VAV2: variants seen among roughly 807,000 people sequenced by gnomAD.
VAV2 encodes guanine nucleotide exchange factor VAV2.
Under a neutral mutation model 132.5 loss-of-function variants are expected in VAV2, and 67 were observed. That is an observed-to-expected ratio of 0.51 (90% CI 0.42 to 0.62). VAV2 has a LOEUF of 0.62. VAV2 is among the 20% of genes least tolerant of loss of function. The probability of loss-of-function intolerance (pLI) is 0.00; values close to 1 mark genes in which losing one functional copy is unlikely to be tolerated. For missense variants in VAV2, 938 were observed against 1,153.6 expected, an observed-to-expected ratio of 0.81 and a Z score of 2.71; for synonymous variants, 492 against 443.5, an observed-to-expected ratio of 1.11 and a Z score of -1.37.
intron 5 of VAV2, among the ~76,000 whole-genome samples, chr9:133,811,439 T>TTGGCAAG (rs1184724630): frequency 1.3e-5 from 2 of 152,216 alleles, no homozygotes; most frequent in East Asian, 3.9e-4. Context: ...GCCTCCACGG[T>TTGGCAAG]TGGCAAGTGG....
intron 1 of VAV2, among the ~76,000 whole-genome samples, chr9:133,978,932 C>A (rs1308756830): frequency 6.6e-6 from 1 of 152,244 alleles, no homozygotes; most frequent in Admixed American, 6.5e-5. Context: ...GGGCTGGCCC[C>A]GGTGAAGAAG....
chr9:133,950,888 G>A (rs781604344), intron 1 of VAV2, among the ~76,000 whole-genome samples: 9 of 152,194 alleles, frequency 5.9e-5, no homozygotes, highest in South Asian at 2.1e-4. Flanking sequence ...TCTCTGGAGC[G>A]CCCTATCTCC....
intron 13 of VAV2, among the ~76,000 whole-genome samples, chr9:133,790,759 GT>G (rs1834423530): frequency 6.6e-6 from 1 of 151,926 alleles, no homozygotes; most frequent in Non-Finnish European, 1.5e-5. Context: ...CATCGCCGAC[GT>G]ATCGCAGGTG....
At chr9:133,801,857 G>A (rs989769430) in intron 9 of VAV2, among the ~76,000 whole-genome samples, 7 of 152,308 alleles carry the variant, frequency 4.6e-5, no homozygotes, top group African/African-American at 1.4e-4. Context: ...GCTGCAGGAC[G>A]TAGGAAGGAT....
chr9:133,804,417 G>A lies in VAV2; in HGVS notation c.836+1664C>T, dbSNP rs147664044. On this transcript the variant is annotated intron_variant, in intron 9 of 29. Coordinates refer to ENST00000371850, the MANE Select transcript of VAV2 (RefSeq NM_001134398.2). The surrounding 1 kb of genome is among the most constrained non-coding windows in gnomAD (Gnocchi z 4.5). The stretch of plus-strand genomic sequence containing the variant: ...CGCACTGCAGTGGCGCTCCAAGGCA[G>A]AGATGCCCGCTGTTCCTCAGCGGGA... 7.7e-3 allele frequency among the ~76,000 whole-genome samples: 1,180 copies of A among 152,372 alleles called. 26 individuals are homozygous for A. The highest frequency in any genetic ancestry group is 0.043 in the Admixed American group (664 of 15,308).
chr9:133,930,285 C>T (rs1840634143), intron 2 of VAV2, among the ~76,000 whole-genome samples: 1 of 151,246 alleles, frequency 6.6e-6, no homozygotes, highest in South Asian at 2.1e-4. Context: ...CTGCCTCCAC[C>T]CTGCCTCCTG....
chr9:133,811,994 C>T, intron 5 of VAV2, 120 bp downstream of exon 5: 5 of 1,011,682 alleles, frequency 4.9e-6, no homozygotes, highest in Non-Finnish European at 7.5e-6. Flanking sequence ...CCCCTGCACC[C>T]AGAGCAGCTC....
chr9:133,809,210 G>A (rs763120343), intron 6 of VAV2, 72 bp from the exon 7 acceptor site: 2 of 1,266,016 alleles, frequency 1.6e-6, no homozygotes, highest in Non-Finnish European at 2.3e-6. Flanking sequence ...TCTGCACCGC[G>A]ACACCCGGAC....
At chr9:133,958,978 C>T (rs985075005) in intron 1 of VAV2, among the ~76,000 whole-genome samples, 7 of 152,132 alleles carry the variant, frequency 4.6e-5, no homozygotes, top group Non-Finnish European at 7.4e-5. Flanking sequence ...TTGGAGGAGG[C>T]GGTGGGGGCC....
chr9:133,768,398 C>A lies in VAV2; in HGVS notation c.2589+44G>T. ...CTGCCTGAGCCCGACCAGGTAGGGG[C>A]TGCAGCGAGGCCAGCCCCACACCCT... On this transcript the variant is annotated intron_variant, in intron 29 of 29. Transcript: ENST00000371850. The surrounding 1 kb of genome is among the most constrained non-coding windows in gnomAD (Gnocchi z 5.3). 1 of 1,597,496 alleles carries A rather than the reference C, an allele frequency of 6.3e-7. No individual in the cohort carries two copies. Among genetic ancestry groups the A allele is most frequent in the South Asian group, 1.1e-5 (1 of 89,190 alleles).
intron 3 of VAV2, among the ~76,000 whole-genome samples, chr9:133,848,015 C>A (rs898146495): frequency 2.0e-5 from 3 of 152,162 alleles, no homozygotes; most frequent in Non-Finnish European, 4.4e-5. Flanking sequence ...CGGTAGCTCA[C>A]GCCTGTAATC....
At position 133,774,945 on chromosome 9, in the gene VAV2, T is replaced by C. The variant is rs1029016039; in HGVS notation, c.2125A>G (p.Ile709Val). 3.7e-6 allele frequency: 6 copies of C among 1,612,402 alleles called. No homozygotes were observed. Among genetic ancestry groups the C allele is most frequent in the South Asian group, 1.1e-5 (1 of 91,012 alleles). The change falls in exon 25 of 30, where the codon ATA (isoleucine) becomes GTA (valine). Residue 709 changes from isoleucine to valine, a missense_variant. Physicochemically the swap from Ile to Val is conservative, Grantham distance 29. Transcript: ENST00000371850. ...ERPAEAERFA[I>V]SIKFNDEVKH... Reference sequence around the variant, plus strand: ...AGAGCCGCCACTTACTTGATGCTTATTGCAAAGCGCTCAGCCTCGGCAGGC... The same window carrying C: ...AGAGCCGCCACTTACTTGATGCTTACTGCAAAGCGCTCAGCCTCGGCAGGC...
chr9:133,831,331 GA>G (rs1836254380), intron 4 of VAV2, among the ~76,000 whole-genome samples: 1 of 152,178 alleles, frequency 6.6e-6, no homozygotes. Flanking sequence ...AGCTACTGGG[GA>G]GGCTGAGGCA....
At chr9:133,821,001 G>A (rs1294161997) in intron 4 of VAV2, among the ~76,000 whole-genome samples, 1 of 152,176 alleles carries the variant, frequency 6.6e-6, no homozygotes. Context: ...GGGCTGTCGT[G>A]CCTTCCCTCT....
chr9:133,871,440 T>TGGACA (rs1838042849), intron 2 of VAV2, among the ~76,000 whole-genome samples: 2 of 138,276 alleles, frequency 1.4e-5, no homozygotes, highest in African/African-American at 5.5e-5. Flanking sequence ...ATGGATTGAT[T>TGGACA]GATGGATGGA....
rs1056685389 is a variant in VAV2, at chr9:133,969,970, C to A, written c.204+22105G>T. 6.6e-6 allele frequency among the ~76,000 whole-genome samples: 1 copy of A among 152,146 alleles called. No individual in the cohort carries two copies. The highest frequency in any genetic ancestry group is 2.4e-5 in the African/African-American group (1 of 41,428). Reference sequence around the variant, plus strand: ...GGATGAAGCCGGCCCTGCCTCCCTGCAGCCTTCAAGGCAGTGACTCAGAGT... The same window carrying A: ...GGATGAAGCCGGCCCTGCCTCCCTGAAGCCTTCAAGGCAGTGACTCAGAGT... On this transcript the variant is annotated intron_variant, in intron 1 of 29. Coordinates refer to ENST00000371850, the MANE Select transcript of VAV2 (RefSeq NM_001134398.2). The surrounding 1 kb of genome is among the most constrained non-coding windows in gnomAD (Gnocchi z 5.1).
intron 1 of VAV2, among the ~76,000 whole-genome samples, chr9:133,989,101 G>T (rs1588235338): frequency 6.6e-6 from 1 of 152,154 alleles, no homozygotes; most frequent in South Asian, 2.1e-4. Context: ...CACTTTGGGA[G>T]GCCGAGGTGG....
Position 133,806,016 on chromosome 9 carries a change from A to G in VAV2, c.836+65T>C, listed in dbSNP as rs890002046. ...AGAGTCCCACTTACACAAGAGTTCC[A>G]CTTGTGTAAACTCTCCCGCAGACAG... On this transcript the variant is annotated intron_variant, in intron 9 of 29. Coordinates refer to ENST00000371850, the MANE Select transcript of VAV2 (RefSeq NM_001134398.2). 2.0e-6 allele frequency: 3 copies of G among 1,501,284 alleles called. No homozygotes were observed. In the African/African-American group the frequency reaches 4.2e-5, roughly 21 times the overall value. 93.0% of individuals were successfully genotyped at this position (1,501,284 alleles called of 1,614,324 possible).
At chr9:133,977,244 G>A (rs904723229) in intron 1 of VAV2, among the ~76,000 whole-genome samples, 1 of 152,244 alleles carries the variant, frequency 6.6e-6, no homozygotes, top group Non-Finnish European at 1.5e-5. Flanking sequence ...TCCATTTGAG[G>A]AGCAGCCCAG....
Sources: allele counts gnomAD v4.1 joint callset (sites outside exome capture counted in the v4.1 genomes callset), GRCh38; gene constraint gnomAD v4.1.1; non-coding constraint Gnocchi (gnomAD v3.1); transcripts MANE v1.5; gene names NCBI Gene and HGNC (gene_info 2026-07-23, HGNC 2026-07-21).